VPS13D: variants seen among roughly 807,000 people sequenced by gnomAD.
VPS13D encodes intermembrane lipid transfer protein VPS13D.
A neutral mutation model predicts 461.9 loss-of-function variants in VPS13D; 187 were observed. The ratio of observed to expected loss-of-function variants is 0.40; its 90% CI spans 0.36 to 0.46. The LOEUF is 0.46. VPS13D is among the 20% of genes least tolerant of loss of function. The probability of loss-of-function intolerance (pLI) is 0.60; values close to 1 mark genes in which losing one functional copy is unlikely to be tolerated. For missense variants in VPS13D, 4,711 were observed against 5,364.9 expected (o/e 0.88, Z 3.81); for synonymous variants, 1,951 against 1,986.3 (o/e 0.98, Z 0.47).
chr1:12,317,470 A>C (rs560720301), intron 30 of VPS13D, among the ~76,000 whole-genome samples: 1 of 152,004 alleles, frequency 6.6e-6, no homozygotes, highest in Admixed American at 6.6e-5. Flanking sequence ...ATAATTCCTT[A>C]TTATGGGGCT....
intron 58 of VPS13D, among the ~76,000 whole-genome samples, chr1:12,384,287 G>C (rs1644321139): frequency 6.6e-6 from 1 of 152,190 alleles, no homozygotes; most frequent in African/African-American, 2.4e-5. Flanking sequence ...GGGAATGAGG[G>C]AGAGGAAGGA....
intron 67 of VPS13D, among the ~76,000 whole-genome samples, chr1:12,488,163 A>G (rs1645826561): frequency 6.6e-6 from 1 of 152,232 alleles, no homozygotes; most frequent in Non-Finnish European, 1.5e-5. Context: ...GTCCAGATAC[A>G]ATTTTAAATA....
chr1:12,303,811 A>C (rs1039352285), intron 25 of VPS13D, among the ~76,000 whole-genome samples: 1 of 152,268 alleles, frequency 6.6e-6, no homozygotes, highest in African/African-American at 2.4e-5. Flanking sequence ...TGGGAAGCTT[A>C]AAAGTCAATT....
chr1:12,409,837 A>G (rs1445983647), intron 63 of VPS13D: 1 of 455,968 alleles, frequency 2.2e-6, no homozygotes, highest in South Asian at 1.5e-5. Context: ...TTGGAAAGCT[A>G]CCAAAACAGC....
chr1:12,401,907 G>A (rs956294043), intron 62 of VPS13D, among the ~76,000 whole-genome samples: 5 of 152,204 alleles, frequency 3.3e-5, no homozygotes, highest in Non-Finnish European at 5.9e-5. Context: ...GTGAACTAAA[G>A]GAGCCATTCA....
At chr1:12,496,106 T>C (rs1045181240) in intron 67 of VPS13D, among the ~76,000 whole-genome samples, 4 of 152,196 alleles carry the variant, frequency 2.6e-5, no homozygotes, top group Non-Finnish European at 4.4e-5. Context: ...GTGTGTGATA[T>C]AAACACAATG....
At chr1:12,392,996 C>T (rs769981227) in intron 60 of VPS13D, among the ~76,000 whole-genome samples, 2 of 152,186 alleles carry the variant, frequency 1.3e-5, no homozygotes, top group Non-Finnish European at 2.9e-5. Flanking sequence ...AATAGGCCCA[C>T]TAGGCATTGT....
chr1:12,375,165 A>G (rs1644181362), intron 55 of VPS13D, among the ~76,000 whole-genome samples: 1 of 152,156 alleles, frequency 6.6e-6, no homozygotes, highest in Non-Finnish European at 1.5e-5. Context: ...ATCCTGGGTC[A>G]ATCTTATATT....
In VPS13D at chr1:12,499,816, T is replaced by C. The variant is rs551898698; in HGVS notation, c.12794+2185T>C. The C allele has an allele frequency of 1.7e-5, 17 of 985,388 alleles. No individual in the cohort carries two copies. The African/African-American group carries it at 3.0e-4, about 17-fold the overall frequency. The allele number at this position is 985,388 out of a possible 1,614,324, so 61.0% of individuals were successfully genotyped here. A position where few individuals can be genotyped will look rare whatever the true frequency, so the allele number is the denominator to read the frequency against. On this transcript the variant is annotated intron_variant, in intron 68 of 69. Coordinates refer to ENST00000620676, the MANE Select transcript of VPS13D (RefSeq NM_015378.4). ...TCTGAAGTGTCCTCAGTTGTCAGCCTGGGTCTTCGCGGTGGAGTGAACATT... is the reference window on the plus strand; with the variant it reads ...TCTGAAGTGTCCTCAGTTGTCAGCCCGGGTCTTCGCGGTGGAGTGAACATT...
At chr1:12,379,430 C>A in intron 56 of VPS13D, 58 bp from the exon 57 acceptor site, 1 of 1,495,220 alleles carries the variant, frequency 6.7e-7, no homozygotes. Context: ...ATGTTCCCTT[C>A]AGGCGTGAAA....
At chr1:12,244,656 A>G in intron 5 of VPS13D, 39 bp downstream of exon 5, 2 of 1,576,060 alleles carry the variant, frequency 1.3e-6, no homozygotes, top group Non-Finnish European at 1.7e-6. Context: ...TCAACGTGAA[A>G]GGGATTTCTC....
chr1:12,493,135 G>A (rs1467401546), intron 67 of VPS13D, among the ~76,000 whole-genome samples: 4 of 148,032 alleles, frequency 2.7e-5, no homozygotes, highest in Admixed American at 2.7e-4. Context: ...AATGATGAGA[G>A]TGGGCCTTGA....
chr1:12,443,123 G>A (rs1455979207), intron 65 of VPS13D, among the ~76,000 whole-genome samples: 1 of 152,276 alleles, frequency 6.6e-6, no homozygotes, highest in Non-Finnish European at 1.5e-5. Flanking sequence ...ATACCCTGAG[G>A]TGTTCACTGT....
chr1:12,468,239 G>GA (rs1022308193), intron 67 of VPS13D, among the ~76,000 whole-genome samples: 1 of 152,110 alleles, frequency 6.6e-6, no homozygotes, highest in Non-Finnish European at 1.5e-5. Context: ...TTCTTTTTGA[G>GA]AAAAAATTTG....
At chr1:12,262,251 C>A (rs1215433755) in intron 13 of VPS13D, among the ~76,000 whole-genome samples, 171 bp downstream of exon 13, 1 of 152,148 alleles carries the variant, frequency 6.6e-6, no homozygotes, top group African/African-American at 2.4e-5. Flanking sequence ...TCATGTGAAC[C>A]TCTGGTCATA....
At chr1:12,417,465 A>G (rs1231329375) in intron 65 of VPS13D, among the ~76,000 whole-genome samples, 1 of 152,282 alleles carries the variant, frequency 6.6e-6, no homozygotes, top group South Asian at 2.1e-4. Context: ...CAGCCCTCCA[A>G]AGAGCTCTGC....
intron 65 of VPS13D, among the ~76,000 whole-genome samples, chr1:12,428,595 G>C (rs940126762): frequency 1.3e-5 from 2 of 152,104 alleles, no homozygotes; most frequent in Admixed American, 1.3e-4. Flanking sequence ...TGATTGGGGT[G>C]CCCTTCTCTG....
chr1:12,395,359 G>A (rs1644481310), intron 60 of VPS13D, among the ~76,000 whole-genome samples: 1 of 152,148 alleles, frequency 6.6e-6, no homozygotes, highest in Admixed American at 6.5e-5. Context: ...ATTCCAAGTT[G>A]CAGGGTCCCA....
At chr1:12,493,375 C>T (rs986479011) in intron 67 of VPS13D, among the ~76,000 whole-genome samples, 8 of 150,158 alleles carry the variant, frequency 5.3e-5, no homozygotes, top group Non-Finnish European at 1.0e-4. Flanking sequence ...CCCAGCTACT[C>T]GGGAGGCTGA....
Sources: gnomAD v4.1 joint callset for allele counts (sites outside exome capture counted in the v4.1 genomes callset) on GRCh38, gnomAD v4.1.1 for gene constraint, MANE v1.5 for transcripts, NCBI Gene and HGNC (gene_info 2026-07-23, HGNC 2026-07-21) for gene names.